FHIT: variants seen among roughly 807,000 people sequenced by gnomAD.
FHIT encodes the protein fragile histidine triad diadenosine triphosphatase, also known as bis(5'-adenosyl)-triphosphatase.
A neutral mutation model predicts 17.9 loss-of-function variants in FHIT; 19 were observed. The observed-to-expected ratio is 1.06, with a 90% confidence interval of 0.74 to 1.56. FHIT has a LOEUF of 1.56. Among genes scored for constraint, FHIT ranks in the 40% most tolerant of loss-of-function variants. The probability of loss-of-function intolerance (pLI) is 0.00; values close to 1 mark genes in which losing one functional copy is unlikely to be tolerated. For missense variants in FHIT, 248 were observed against 189.2 expected (o/e 1.31, Z -1.82); for synonymous variants, 81 against 69.7 (o/e 1.16, Z -0.81).
At chr3:60,987,514 T>C (rs1190944228) in intron 3 of FHIT, among the ~76,000 whole-genome samples, 1 of 152,258 alleles carries the variant, frequency 6.6e-6, no homozygotes, top group East Asian at 1.9e-4. Context: ...GTTAATTTAG[T>C]ATCTATAGAA....
At chr3:60,374,214 G>T (rs1187985111) in intron 5 of FHIT, among the ~76,000 whole-genome samples, 1 of 152,064 alleles carries the variant, frequency 6.6e-6, no homozygotes, top group African/African-American at 2.4e-5. Flanking sequence ...AGAATTAATA[G>T]TTTAATTATA....
chr3:59,976,120 G>A (rs1452022429), intron 7 of FHIT, among the ~76,000 whole-genome samples: 1 of 152,044 alleles, frequency 6.6e-6, no homozygotes, highest in Admixed American at 6.6e-5. Context: ...CCATAGGGTT[G>A]CCATGAAGAT....
chr3:60,129,523 G>C (rs74792483), intron 5 of FHIT, among the ~76,000 whole-genome samples: 11,474 of 152,204 alleles, frequency 0.075, 504 homozygotes, highest in South Asian at 0.15. Context: ...ACTACATGTT[G>C]ATGTTCTGAA....
intron 3 of FHIT, among the ~76,000 whole-genome samples, chr3:60,911,537 T>A (rs1706744184): frequency 6.6e-6 from 1 of 152,124 alleles, no homozygotes; most frequent in Non-Finnish European, 1.5e-5. Context: ...TAAACCCAGA[T>A]CATTCATGGT....
At chr3:60,220,838 G>T (rs1253656214) in intron 5 of FHIT, among the ~76,000 whole-genome samples, 1 of 152,148 alleles carries the variant, frequency 6.6e-6, no homozygotes, top group Non-Finnish European at 1.5e-5. Flanking sequence ...AGCAGTATTA[G>T]AAAAGAAAAG....
intron 5 of FHIT, among the ~76,000 whole-genome samples, chr3:60,398,298 A>C (rs72876838): frequency 3.4e-4 from 52 of 152,300 alleles, no homozygotes; most frequent in African/African-American, 1.2e-3. Flanking sequence ...AGTTTCTGCA[A>C]CTTCTCTCCT....
rs138098162 is a variant in FHIT, at chr3:59,752,244, C to T, written c.426G>A (p.Leu142=). The T allele has an allele frequency of 1.8e-5, 29 of 1,613,040 alleles. No homozygotes were observed. In the African/African-American group the frequency reaches 3.3e-4, roughly 19 times the overall value. The part of the protein sequence containing the change: ...EEEMAAEAAA[L]RVYFQ ...ACCTGTGTCACTGAAAGTAGACCCG[C>T]AGAGCTGCGGCTTCTGCTGCCATTT... The change falls in exon 9 of 10, where the codon CTG becomes CTA. Residue 142 remains leucine, a synonymous_variant. Transcript: ENST00000492590.
intron 5 of FHIT, among the ~76,000 whole-genome samples, chr3:60,356,105 C>G (rs1228476755): frequency 6.6e-6 from 1 of 152,166 alleles, no homozygotes; most frequent in Admixed American, 6.5e-5. Context: ...AACTAAAATA[C>G]ATAATCATGA....
At chr3:61,076,619 C>A (rs902098772) in intron 2 of FHIT, among the ~76,000 whole-genome samples, 1 of 152,144 alleles carries the variant, frequency 6.6e-6, no homozygotes, top group Non-Finnish European at 1.5e-5. Flanking sequence ...CTTATTGAGT[C>A]TTTAATATGT....
intron 3 of FHIT, among the ~76,000 whole-genome samples, chr3:60,880,664 G>A (rs916080001): frequency 2.0e-5 from 3 of 152,142 alleles, no homozygotes; most frequent in African/African-American, 7.2e-5. Flanking sequence ...CCCAGGAGGT[G>A]GAGGTTGCAG....
intron 5 of FHIT, among the ~76,000 whole-genome samples, chr3:60,319,313 A>G (rs1337280084): frequency 6.6e-6 from 1 of 152,048 alleles, no homozygotes; most frequent in Non-Finnish European, 1.5e-5. Flanking sequence ...AGTTGGCCAC[A>G]GCTTCCCGAC....
At chr3:60,575,718 A>C (rs782566074) in intron 4 of FHIT, among the ~76,000 whole-genome samples, 2 of 152,200 alleles carry the variant, frequency 1.3e-5, no homozygotes, top group African/African-American at 4.8e-5. Flanking sequence ...TACTGCTCCT[A>C]TAAGTTAAGA....
At chr3:60,749,685 C>T (rs1261969653) in intron 4 of FHIT, among the ~76,000 whole-genome samples, 1 of 152,156 alleles carries the variant, frequency 6.6e-6, no homozygotes, top group Non-Finnish European at 1.5e-5. Context: ...CAGGAAAAAT[C>T]TCTAGGAGAC....
intron 5 of FHIT, among the ~76,000 whole-genome samples, chr3:60,436,121 C>A (rs1242968424): frequency 6.6e-6 from 1 of 152,096 alleles, no homozygotes; most frequent in Non-Finnish European, 1.5e-5. Context: ...TGGCTCAGCT[C>A]ACTGCAACCT....
At chr3:60,492,119 T>G (rs2034091917) in intron 5 of FHIT, among the ~76,000 whole-genome samples, 1 of 152,198 alleles carries the variant, frequency 6.6e-6, no homozygotes, top group Non-Finnish European at 1.5e-5. Context: ...TTCCACTCAC[T>G]TGTTCACATA....
chr3:60,442,538 C>T (rs2107337244), intron 5 of FHIT, among the ~76,000 whole-genome samples: 1 of 152,200 alleles, frequency 6.6e-6, no homozygotes, highest in East Asian at 1.9e-4. Context: ...GAATCCTTTC[C>T]CCATTTCTTG....
chr3:61,208,720 G>T (rs1197228670), intron 1 of FHIT, among the ~76,000 whole-genome samples: 1 of 151,988 alleles, frequency 6.6e-6, no homozygotes, highest in Non-Finnish European at 1.5e-5. Flanking sequence ...CTCTGTACAT[G>T]ACATGGGTTT....
At chr3:60,929,135 G>T (rs1437792283) in intron 3 of FHIT, among the ~76,000 whole-genome samples, 1 of 152,170 alleles carries the variant, frequency 6.6e-6, no homozygotes, top group African/African-American at 2.4e-5. Flanking sequence ...CTCAATAGAT[G>T]CAGAAAAGAC....
chr3:61,073,337 G>A (rs1462230960), intron 2 of FHIT, among the ~76,000 whole-genome samples: 1 of 152,148 alleles, frequency 6.6e-6, no homozygotes, highest in Admixed American at 6.5e-5. Flanking sequence ...TAGTAATAAA[G>A]TGTGCACTTT....
Sources: gnomAD v4.1 joint callset for allele counts (sites outside exome capture counted in the v4.1 genomes callset) on GRCh38, gnomAD v4.1.1 for gene constraint, MANE v1.5 for transcripts, NCBI Gene and HGNC (gene_info 2026-07-23, HGNC 2026-07-21) for gene names.